The following ERC2 variants were observed in gnomAD, a reference collection of about 807,000 sequenced individuals.
ERC2 encodes the protein ERC protein 2.
ERC2 carries 42 observed loss-of-function variants against 114.8 expected under a neutral mutation model. The ratio of observed to expected loss-of-function variants is 0.37; its 90% CI spans 0.29 to 0.47. The LOEUF (loss-of-function observed/expected upper bound fraction) is 0.47. ERC2 is among the 20% of genes least tolerant of loss of function. The pLI, the probability that ERC2 is intolerant of heterozygous loss-of-function variation, is 0.99. For missense variants in ERC2, 939 were observed against 1,150.7 expected (o/e 0.82, Z 2.66); for synonymous variants, 454 against 425.5 (o/e 1.07, Z -0.82).
intron 15 of ERC2, among the ~76,000 whole-genome samples, chr3:55,715,134 T>C (rs815405): frequency 0.49 from 74,059 of 151,980 alleles, 19,399 homozygotes; most frequent in South Asian, 0.69. Context: ...CCAATCTCTC[T>C]TAAGTTTAGC....
At chr3:56,348,886 AGG>A (rs1491271847) in intron 2 of ERC2, among the ~76,000 whole-genome samples, 142 of 43,250 alleles carry the variant, frequency 3.3e-3, no homozygotes, top group Non-Finnish European at 6.2e-3. Context: ...GAAGGAAGGA[AGG>A]AAGGAAGGAA....
chr3:55,610,506 AAC>A (rs1162337654), intron 17 of ERC2: 3,869 of 137,242 alleles, frequency 0.028, 97 homozygotes, highest in South Asian at 0.092. Context: ...TCTACGGAAA[AAC>A]ACACACACAC....
At chr3:56,278,858 C>G (rs987978637) in intron 3 of ERC2, among the ~76,000 whole-genome samples, 11 of 152,144 alleles carry the variant, frequency 7.2e-5, no homozygotes, top group African/African-American at 2.2e-4. Context: ...AGAACTCACC[C>G]TTATAGCACC....
chr3:56,358,266 G>T (rs754607565), intron 2 of ERC2, among the ~76,000 whole-genome samples: 111 of 152,144 alleles, frequency 7.3e-4, no homozygotes, highest in Non-Finnish European at 8.7e-4. Flanking sequence ...CCAAGCACTA[G>T]TCCCCATCCT....
At chr3:56,385,862 G>A (rs959529358) in intron 2 of ERC2, among the ~76,000 whole-genome samples, 12 of 152,292 alleles carry the variant, frequency 7.9e-5, no homozygotes, top group African/African-American at 2.4e-4. Flanking sequence ...GAATGGGACA[G>A]CTATAAAATG....
At chr3:55,615,515 C>A (rs1478391031) in intron 17 of ERC2, among the ~76,000 whole-genome samples, 1 of 152,162 alleles carries the variant, frequency 6.6e-6, no homozygotes, top group Non-Finnish European at 1.5e-5. Flanking sequence ...TTGTTGGTCA[C>A]AATCACCTCA....
chr3:55,665,698 C>T (rs2061332205), intron 17 of ERC2, among the ~76,000 whole-genome samples: 1 of 152,182 alleles, frequency 6.6e-6, no homozygotes. Flanking sequence ...TGAACAAAGC[C>T]TGCAGAACCT....
At chr3:55,720,998 T>C (rs1009230377) in intron 15 of ERC2, among the ~76,000 whole-genome samples, 18 of 152,244 alleles carry the variant, frequency 1.2e-4, no homozygotes, top group African/African-American at 4.3e-4. Context: ...TAAGTTGACC[T>C]GCTCAGCATC....
chr3:55,797,018 C>A (rs2070566390), intron 14 of ERC2, among the ~76,000 whole-genome samples: 2 of 152,026 alleles, frequency 1.3e-5, no homozygotes, highest in Non-Finnish European at 2.9e-5. Flanking sequence ...CTGAAAACAT[C>A]TAGAATGTAA....
intron 2 of ERC2, among the ~76,000 whole-genome samples, chr3:56,309,899 A>G (rs558695656): frequency 6.6e-6 from 1 of 152,372 alleles, no homozygotes; most frequent in South Asian, 2.1e-4. Context: ...AAACGGGCAT[A>G]ATGAACATAA....
chr3:55,956,080 G>C (rs1032850178), intron 12 of ERC2, among the ~76,000 whole-genome samples: 1 of 152,258 alleles, frequency 6.6e-6, no homozygotes, highest in African/African-American at 2.4e-5. Flanking sequence ...ACAGTAAGAA[G>C]AATGTAATCA....
At chr3:56,294,096 C>A (rs1409955179) in intron 3 of ERC2, among the ~76,000 whole-genome samples, 1 of 152,206 alleles carries the variant, frequency 6.6e-6, no homozygotes, top group African/African-American at 2.4e-5. Context: ...AGAAAAATTC[C>A]AAAATCCACA....
intron 5 of ERC2, 48 bp downstream of exon 5, chr3:56,148,929 C>A: frequency 1.3e-6 from 2 of 1,563,884 alleles, no homozygotes; most frequent in Non-Finnish European, 8.7e-7. Context: ...TAAACTGTAA[C>A]TTTCTAGTCA....
intron 2 of ERC2, among the ~76,000 whole-genome samples, chr3:56,375,230 G>A (rs1273437708): frequency 6.6e-6 from 1 of 152,188 alleles, no homozygotes; most frequent in Admixed American, 6.5e-5. Context: ...GCTAAGCATG[G>A]GAGAGCGGGA....
chr3:56,032,120 T>C (rs1354183751), intron 7 of ERC2, among the ~76,000 whole-genome samples: 1 of 152,236 alleles, frequency 6.6e-6, no homozygotes, highest in Non-Finnish European at 1.5e-5. Context: ...AGCTCCTATT[T>C]GCTTTCCACA....
At chr3:56,449,885 C>G (rs1479435951) in intron 1 of ERC2, among the ~76,000 whole-genome samples, 1 of 152,180 alleles carries the variant, frequency 6.6e-6, no homozygotes, top group African/African-American at 2.4e-5. Flanking sequence ...ATAGAATTCT[C>G]CCAGTTCACT....
chr3:56,097,015 T>C (rs906042977), intron 6 of ERC2, among the ~76,000 whole-genome samples: 13 of 152,184 alleles, frequency 8.5e-5, no homozygotes, highest in African/African-American at 3.1e-4. Flanking sequence ...CCCACTAAGG[T>C]GTGTGTTGAA....
intron 10 of ERC2, among the ~76,000 whole-genome samples, chr3:56,000,905 A>AG (rs2071997108): frequency 6.6e-6 from 1 of 152,024 alleles, no homozygotes; most frequent in African/African-American, 2.4e-5. Context: ...AAAAAAAAAA[A>AG]AAAGTGATGG....
At chr3:55,781,955 C>T (rs1442244872) in intron 14 of ERC2, among the ~76,000 whole-genome samples, 1 of 151,776 alleles carries the variant, frequency 6.6e-6, no homozygotes, top group Admixed American at 6.6e-5. Flanking sequence ...CTGTGAGAAC[C>T]TTCCTTAACT....
Sources: allele counts gnomAD v4.1 joint callset (sites outside exome capture counted in the v4.1 genomes callset), GRCh38; gene constraint gnomAD v4.1.1; transcripts MANE v1.5; gene names NCBI Gene and HGNC (gene_info 2026-07-23, HGNC 2026-07-21).